The following ARHGEF38 variants were observed in gnomAD, a reference collection of about 807,000 sequenced individuals.
ARHGEF38 encodes Rho guanine nucleotide exchange factor 38, also known as Rho guanine nucleotide exchange factor (GEF) 38.
ARHGEF38 carries 79 observed loss-of-function variants against 79.9 expected under a neutral mutation model. The observed-to-expected ratio is 0.99, with a 90% CI of 0.82 to 1.19. The LOEUF is 1.19. ARHGEF38 is among the 50% of genes most tolerant of loss of function. ARHGEF38 has a pLI of 0.00. For synonymous variants in ARHGEF38, 366 were observed against 328.3 expected (o/e 1.11, Z -1.24); for missense variants, 962 against 907.2 (o/e 1.06, Z -0.78).
At chr4:105,654,269 C>A in intron 8 of ARHGEF38, 100 bp downstream of exon 8, 3 of 668,016 alleles carry the variant, frequency 4.5e-6, no homozygotes, top group South Asian at 3.8e-5. Context: ...CTGTTCCTTC[C>A]TTTATGTTAT....
chr4:105,622,083 C>T (rs764632060), intron 3 of ARHGEF38, among the ~76,000 whole-genome samples: 5 of 151,994 alleles, frequency 3.3e-5, no homozygotes, highest in Admixed American at 6.6e-5. Context: ...GAATATGGGT[C>T]CCAGTGCTGC....
intron 1 of ARHGEF38, among the ~76,000 whole-genome samples, chr4:105,558,961 C>T (rs1287882717): frequency 1.3e-5 from 2 of 150,848 alleles, no homozygotes; most frequent in African/African-American, 4.9e-5. Flanking sequence ...TAGAAATATA[C>T]CTTAAAATAG....
rs1731283354 is a variant in ARHGEF38 at position 105,680,792 on chromosome 4, A to G, written c.*2855A>G. On this transcript the variant is annotated 3_prime_UTR_variant, in exon 14 of 14. Transcript: ENST00000420470. The stretch of plus-strand genomic sequence containing the variant: ...CCTAAACTAAAGTCCCCTCTGAGGT[A>G]CAACAGAAATTAAAATAATTGCTTC... 1 of 152,236 alleles carries G rather than the reference A, an allele frequency of 6.6e-6. No homozygotes were observed. Among genetic ancestry groups the G allele is most frequent in the Non-Finnish European group, 1.5e-5 (1 of 68,026 alleles). 9.4% of individuals were successfully genotyped at this position (152,236 alleles called of 1,614,324 possible). A position where few individuals can be genotyped will look rare whatever the true frequency, so the allele number is the denominator to read the frequency against.
At chr4:105,612,971 T>C (rs753660052) in intron 2 of ARHGEF38, among the ~76,000 whole-genome samples, 8 of 152,072 alleles carry the variant, frequency 5.3e-5, no homozygotes, top group Non-Finnish European at 8.8e-5. Context: ...TTTTCAAACA[T>C]CTGTGGTTTA....
intron 13 of ARHGEF38, among the ~76,000 whole-genome samples, chr4:105,672,808 T>C (rs991291254): frequency 6.6e-6 from 1 of 152,200 alleles, no homozygotes; most frequent in Non-Finnish European, 1.5e-5. Context: ...AATTTCTTGT[T>C]CTGGTCGGAC....
Position 105,679,961 on chromosome 4 carries a change from A to G in ARHGEF38, c.*2024A>G. 10 of 1,344,934 alleles carry G rather than the reference A, an allele frequency of 7.4e-6. 1 individual carries two copies. The South Asian group carries it at 1.2e-4, about 16-fold the overall frequency. 83.3% of individuals were successfully genotyped at this position (1,344,934 alleles called of 1,614,324 possible). ...CCTTTTAGTGTAATTTCTCTTTGTG[A>G]CTGTGCAATGTCCCCATGTAAACAC... On this transcript the variant is annotated 3_prime_UTR_variant, in exon 14 of 14. Transcript: ENST00000420470.
intron 1 of ARHGEF38, among the ~76,000 whole-genome samples, chr4:105,586,388 G>A (rs2110450665): frequency 6.6e-6 from 1 of 152,126 alleles, no homozygotes; most frequent in South Asian, 2.1e-4. Flanking sequence ...ACACCTGAGG[G>A]AGAAGTTGAG....
At chr4:105,622,202 G>A (rs574336505) in intron 3 of ARHGEF38, among the ~76,000 whole-genome samples, 1 of 152,276 alleles carries the variant, frequency 6.6e-6, no homozygotes, top group Admixed American at 6.5e-5. Context: ...TGCTGATGGA[G>A]CCTGCCAGTG....
intron 13 of ARHGEF38, among the ~76,000 whole-genome samples, chr4:105,671,391 A>T (rs1730953475): frequency 6.6e-6 from 1 of 152,200 alleles, no homozygotes; most frequent in East Asian, 1.9e-4. Context: ...ACAAGGGAGA[A>T]GAGAAGGCCG....
At chr4:105,586,003 T>C (rs1010283167) in intron 1 of ARHGEF38, among the ~76,000 whole-genome samples, 4 of 152,044 alleles carry the variant, frequency 2.6e-5, no homozygotes, top group African/African-American at 9.7e-5. Context: ...AGTGTTGGGA[T>C]TACAGGCATG....
chr4:105,659,004 G>A, intron 9 of ARHGEF38, 50 bp from the exon 10 acceptor site: 1 of 1,463,606 alleles, frequency 6.8e-7, no homozygotes, highest in African/African-American at 1.4e-5. Context: ...AACTGGACAA[G>A]GTATGGGCTG....
At chr4:105,597,027 C>G (rs969948160) in intron 2 of ARHGEF38, among the ~76,000 whole-genome samples, 1 of 152,206 alleles carries the variant, frequency 6.6e-6, no homozygotes, top group African/African-American at 2.4e-5. Context: ...CCACCCTTCT[C>G]TCCCAGCCCA....
chr4:105,599,678 T>C (rs781308709), intron 2 of ARHGEF38, among the ~76,000 whole-genome samples: 2 of 152,132 alleles, frequency 1.3e-5, no homozygotes, highest in Non-Finnish European at 2.9e-5. Context: ...AAAATAGCCA[T>C]GCATATCAGT....
intron 13 of ARHGEF38, among the ~76,000 whole-genome samples, chr4:105,674,165 C>T (rs1731046079): frequency 6.6e-6 from 1 of 151,930 alleles, no homozygotes; most frequent in Admixed American, 6.6e-5. Flanking sequence ...AGGGAAAGAT[C>T]TAGTGGTTAT....
intron 9 of ARHGEF38, among the ~76,000 whole-genome samples, chr4:105,656,861 G>T (rs1730348014): frequency 1.3e-5 from 2 of 152,044 alleles, no homozygotes; most frequent in Non-Finnish European, 1.5e-5. Flanking sequence ...TACAGCCCCC[G>T]ATCTAGTAGA....
At chr4:105,631,672 G>T in intron 4 of ARHGEF38, 1 of 980,686 alleles carries the variant, frequency 1.0e-6, no homozygotes. Flanking sequence ...AAAACCCCTT[G>T]CTATTTCACT....
intron 2 of ARHGEF38, among the ~76,000 whole-genome samples, chr4:105,604,622 C>T (rs1727962768): frequency 6.6e-6 from 1 of 152,114 alleles, no homozygotes; most frequent in Admixed American, 6.6e-5. Context: ...GCTAAGTCAT[C>T]CCTGATATCA....
chr4:105,565,461 G>C (rs1578258468), intron 1 of ARHGEF38, among the ~76,000 whole-genome samples: 1 of 152,166 alleles, frequency 6.6e-6, no homozygotes, highest in Admixed American at 6.5e-5. Flanking sequence ...TGGGTTTATT[G>C]GGGCAGATAT....
chr4:105,633,818 G>A (rs1729291845), intron 4 of ARHGEF38, among the ~76,000 whole-genome samples: 1 of 152,234 alleles, frequency 6.6e-6, no homozygotes, highest in Admixed American at 6.5e-5. Flanking sequence ...ACAAAACCAT[G>A]TGGAAAGTTT....
Sources: gnomAD v4.1 joint callset for allele counts (sites outside exome capture counted in the v4.1 genomes callset) on GRCh38, gnomAD v4.1.1 for gene constraint, MANE v1.5 for transcripts, NCBI Gene and HGNC (gene_info 2026-07-23, HGNC 2026-07-21) for gene names.